The following TSHZ2 variants were observed in gnomAD, a reference collection of about 807,000 sequenced individuals.
TSHZ2 encodes teashirt homolog 2.
TSHZ2 carries 21 observed loss-of-function variants against 74.4 expected under a neutral mutation model. The observed-to-expected ratio is 0.28, with a 90% CI of 0.20 to 0.41. The LOEUF is 0.41. Ranked by LOEUF, TSHZ2 falls within the 10% of genes least tolerant of loss-of-function variation. The pLI is 1.00. For synonymous variants in TSHZ2, 540 were observed against 515.3 expected, an observed-to-expected ratio of 1.05 and a Z score of -0.65; for missense variants, 1,244 against 1,293.5, an observed-to-expected ratio of 0.96 and a Z score of 0.59.
chr20:53,433,985 C>G (rs1293991936), intron 2 of TSHZ2, among the ~76,000 whole-genome samples: 1 of 152,190 alleles, frequency 6.6e-6, no homozygotes, highest in Non-Finnish European at 1.5e-5. Context: ...TCTCCTGCCT[C>G]AGCCTCCCAA....
At chr20:53,432,681 T>G (rs1983889144) in intron 2 of TSHZ2, among the ~76,000 whole-genome samples, 1 of 152,220 alleles carries the variant, frequency 6.6e-6, no homozygotes, top group African/African-American at 2.4e-5. Flanking sequence ...TGGGGTAAGG[T>G]GACAAAATGC....
chr20:52,980,252 T>A (rs920992836), intron 1 of TSHZ2, among the ~76,000 whole-genome samples: 23 of 152,192 alleles, frequency 1.5e-4, no homozygotes, highest in African/African-American at 5.3e-4. Context: ...TAGCTAAACA[T>A]CTCTTCTTGG....
chr20:53,168,452 C>G (rs1988112618), intron 1 of TSHZ2, among the ~76,000 whole-genome samples: 1 of 152,210 alleles, frequency 6.6e-6, no homozygotes, highest in Non-Finnish European at 1.5e-5. Flanking sequence ...ATATACCAAT[C>G]CTGAAGCTAG....
chr20:53,079,739 A>T (rs992517318), intron 1 of TSHZ2, among the ~76,000 whole-genome samples: 1 of 152,058 alleles, frequency 6.6e-6, no homozygotes, highest in Non-Finnish European at 1.5e-5. Flanking sequence ...CACACTAGCC[A>T]CTCTATACCC....
chr20:53,272,451 AAAAG>A (rs1990859607), intron 2 of TSHZ2, among the ~76,000 whole-genome samples: 1 of 152,158 alleles, frequency 6.6e-6, no homozygotes, highest in East Asian at 1.9e-4. Context: ...AATATTGGAT[AAAAG>A]AAAGGAAGGA....
chr20:53,436,271 C>T (rs1488648234), intron 2 of TSHZ2, among the ~76,000 whole-genome samples: 1 of 152,168 alleles, frequency 6.6e-6, no homozygotes, highest in Non-Finnish European at 1.5e-5. Context: ...TGGGATTCTC[C>T]TGTTCAGGCT....
At chr20:53,170,761 C>T (rs1456850341) in intron 1 of TSHZ2, among the ~76,000 whole-genome samples, 4 of 152,012 alleles carry the variant, frequency 2.6e-5, no homozygotes, top group African/African-American at 4.8e-5. Flanking sequence ...AATGAAAGGG[C>T]ATTGGTTTGT....
chr20:53,094,936 C>A (rs1382553742), intron 1 of TSHZ2, among the ~76,000 whole-genome samples: 1 of 152,170 alleles, frequency 6.6e-6, no homozygotes, highest in Non-Finnish European at 1.5e-5. Flanking sequence ...GAGAAATTTG[C>A]AGATGCCTTC....
chr20:53,009,863 A>T (rs1371464607), intron 1 of TSHZ2, among the ~76,000 whole-genome samples: 1 of 152,156 alleles, frequency 6.6e-6, no homozygotes, highest in African/African-American at 2.4e-5. Flanking sequence ...TTCATTACCC[A>T]AAATTCCCCC....
chr20:53,062,210 A>C (rs1416233182), intron 1 of TSHZ2, among the ~76,000 whole-genome samples: 6 of 152,320 alleles, frequency 3.9e-5, no homozygotes, highest in Non-Finnish European at 8.8e-5. Context: ...AATGGAAATT[A>C]ATTGTGCCTT....
Position 53,002,608 on chromosome 20 carries a change from ATAAAT to A in TSHZ2, c.40+29277_40+29281del, listed in dbSNP as rs1982480213. Among the ~76,000 whole-genome samples the A allele has an allele frequency of 2.6e-5, 4 of 151,974 alleles. 1 individual carries two copies. In the South Asian group the frequency reaches 8.3e-4, roughly 32 times the overall value. Reference sequence around the variant, plus strand: ...TGATGTTGCCAGAATTAGCAATAAAATAAATTTATAAAAAAGAAAATAAATATTTT... The same window carrying A: ...TGATGTTGCCAGAATTAGCAATAAAATTATAAAAAAGAAAATAAATATTTT... On this transcript the variant is annotated intron_variant, in intron 1 of 2. Coordinates refer to ENST00000371497, the MANE Select transcript of TSHZ2 (RefSeq NM_173485.6).
intron 1 of TSHZ2, among the ~76,000 whole-genome samples, chr20:53,086,841 C>T (rs373891879): frequency 6.6e-6 from 1 of 152,058 alleles, no homozygotes; most frequent in South Asian, 2.1e-4. Flanking sequence ...TAGCAATGAA[C>T]CAATCAAATG....
chr20:53,354,422 T>C (rs200630), intron 2 of TSHZ2, among the ~76,000 whole-genome samples: 1 of 152,022 alleles, frequency 6.6e-6, no homozygotes, highest in Admixed American at 6.6e-5. Flanking sequence ...TTGGCTTGTA[T>C]AGTAGCAGCA....
chr20:53,208,113 C>T (rs906265518), intron 1 of TSHZ2, among the ~76,000 whole-genome samples: 2 of 152,116 alleles, frequency 1.3e-5, no homozygotes, highest in African/African-American at 2.4e-5. Context: ...ACAGTTCTAC[C>T]ACCATTTCCC....
intron 2 of TSHZ2, among the ~76,000 whole-genome samples, chr20:53,262,743 G>A (rs552804177): frequency 6.6e-6 from 1 of 152,280 alleles, no homozygotes; most frequent in South Asian, 2.1e-4. Flanking sequence ...AAATAGAAGA[G>A]GATTTGGTGT....
chr20:53,318,426 A>T (rs960731694), intron 2 of TSHZ2, among the ~76,000 whole-genome samples: 2 of 152,296 alleles, frequency 1.3e-5, no homozygotes, highest in Admixed American at 6.5e-5. Context: ...CTTTTGCATG[A>T]TTTCTCAGGG....
intron 1 of TSHZ2, among the ~76,000 whole-genome samples, chr20:53,084,690 C>T (rs1255432749): frequency 2.0e-3 from 49 of 24,800 alleles, no homozygotes; most frequent in African/African-American, 7.6e-3. Context: ...TCCCTCCCTC[C>T]CTCTCTCCCT....
intron 2 of TSHZ2, among the ~76,000 whole-genome samples, chr20:53,321,117 C>A (rs145409919): frequency 6.6e-5 from 10 of 152,278 alleles, no homozygotes; most frequent in African/African-American, 2.2e-4. Flanking sequence ...CACTCTAGGG[C>A]GCAACAGGTT....
chr20:53,228,610 AG>A, intron 1 of TSHZ2, among the ~76,000 whole-genome samples: 1 of 151,196 alleles, frequency 6.6e-6, no homozygotes, highest in East Asian at 2.0e-4. Context: ...CCACCTCCCG[AG>A]TTGAGACAAC....
Sources: gnomAD v4.1 joint callset for allele counts (sites outside exome capture counted in the v4.1 genomes callset) on GRCh38, gnomAD v4.1.1 for gene constraint, MANE v1.5 for transcripts, NCBI Gene and HGNC (gene_info 2026-07-23, HGNC 2026-07-21) for gene names.